The following NALCN variants were observed in gnomAD, a reference collection of about 807,000 sequenced individuals.
The protein encoded by NALCN is sodium leak channel, non-selective.
A neutral mutation model predicts 225.3 loss-of-function variants in NALCN; 111 were observed. That is an observed-to-expected ratio of 0.49 (90% CI 0.42 to 0.58). The LOEUF (loss-of-function observed/expected upper bound fraction) is 0.58, where lower values mean the gene tolerates loss of function less well. NALCN is among the 20% of genes least tolerant of loss of function. The pLI, the probability that NALCN is intolerant of heterozygous loss-of-function variation, is 0.00. For synonymous variants in NALCN, 764 were observed against 769.0 expected, an observed-to-expected ratio of 0.99 and a Z score of 0.11; for missense variants, 1,378 against 2,202.4, an observed-to-expected ratio of 0.63 and a Z score of 7.49.
chr13:101,170,002 C>T (rs897656373), intron 15 of NALCN, among the ~76,000 whole-genome samples: 7 of 152,192 alleles, frequency 4.6e-5, no homozygotes, highest in Non-Finnish European at 1.0e-4. Context: ...AGCCGAATGG[C>T]ATCTTCCAGC....
At chr13:101,106,003 A>G (rs770126853) in intron 22 of NALCN, among the ~76,000 whole-genome samples, 1 of 152,196 alleles carries the variant, frequency 6.6e-6, no homozygotes, top group Non-Finnish European at 1.5e-5. Flanking sequence ...GGATGGCTCA[A>G]GCAACATAAG....
chr13:101,211,583 T>C (rs1465943708), intron 13 of NALCN, among the ~76,000 whole-genome samples: 1 of 151,628 alleles, frequency 6.6e-6, no homozygotes, highest in Non-Finnish European at 1.5e-5. Flanking sequence ...CCTAATGTTA[T>C]AGTAGAAAGG....
At chr13:101,107,436 G>C in intron 22 of NALCN, 51 bp downstream of exon 22, 3 of 1,611,876 alleles carry the variant, frequency 1.9e-6, no homozygotes, top group Non-Finnish European at 2.5e-6. Context: ...CAACACCCCT[G>C]CTGTTTGCAT....
At chr13:101,360,662 A>T (rs1255789391) in intron 6 of NALCN, among the ~76,000 whole-genome samples, 1 of 152,198 alleles carries the variant, frequency 6.6e-6, no homozygotes, top group Non-Finnish European at 1.5e-5. Flanking sequence ...ACCACACTCA[A>T]CCACAAAGTA....
intron 7 of NALCN, among the ~76,000 whole-genome samples, chr13:101,320,086 T>C (rs2044692393): frequency 6.6e-6 from 1 of 152,226 alleles, no homozygotes; most frequent in Non-Finnish European, 1.5e-5. Context: ...GTAAGTTCTA[T>C]TGTCCATCTT....
intron 13 of NALCN, among the ~76,000 whole-genome samples, chr13:101,212,976 C>T (rs1369581072): frequency 6.6e-6 from 1 of 152,126 alleles, no homozygotes; most frequent in African/African-American, 2.4e-5. Context: ...CAAAAAAGAG[C>T]CCGCATTGCC....
intron 1 of NALCN, among the ~76,000 whole-genome samples, chr13:101,415,208 C>CACATATATATATAT (rs1555349509): frequency 2.0e-4 from 22 of 107,824 alleles, no homozygotes; most frequent in African/African-American, 1.2e-3. Flanking sequence ...AAATCACACA[C>CACATATATATATAT]ATATATATAT....
chr13:101,356,549 C>G (rs947942064), intron 6 of NALCN, among the ~76,000 whole-genome samples: 1 of 151,270 alleles, frequency 6.6e-6, no homozygotes, highest in Non-Finnish European at 1.5e-5. Flanking sequence ...TAATAGCCTA[C>G]CAACCAAAAA....
intron 10 of NALCN, among the ~76,000 whole-genome samples, chr13:101,272,647 T>G (rs2140257324): frequency 6.6e-6 from 1 of 152,244 alleles, no homozygotes; most frequent in East Asian, 1.9e-4. Context: ...AGGATCAGAT[T>G]GAATTTGGAG....
At chr13:101,235,113 CT>C (rs1380284484) in intron 12 of NALCN, among the ~76,000 whole-genome samples, 1 of 151,220 alleles carries the variant, frequency 6.6e-6, no homozygotes, top group East Asian at 1.9e-4. Context: ...ATAATTTATG[CT>C]GTTTATCGTT....
chr13:101,245,030 G>A (rs1594515930), intron 11 of NALCN, among the ~76,000 whole-genome samples: 1 of 152,276 alleles, frequency 6.6e-6, no homozygotes, highest in East Asian at 1.9e-4. Context: ...CTGTGCAGGT[G>A]TCCAATCTCA....
intron 3 of NALCN, among the ~76,000 whole-genome samples, chr13:101,384,179 C>A (rs1330764522): frequency 6.6e-6 from 1 of 152,016 alleles, no homozygotes; most frequent in Non-Finnish European, 1.5e-5. Flanking sequence ...AAATATGCAA[C>A]CAGAAGCTAA....
rs564099116 is a variant in NALCN at position 101,219,684 on chromosome 13, A to C, written c.1626+9709T>G. Among the ~76,000 whole-genome samples, 5 of 152,314 alleles carry C rather than the reference A, an allele frequency of 3.3e-5. No homozygotes were observed. In the South Asian group the frequency reaches 1.0e-3, roughly 32 times the overall value. ...GGAAGTTTGTGATGAACTATTCCAG[A>C]GGCCTTTCCTTCCAGGTACAGATTG... On this transcript the variant is annotated intron_variant, in intron 13 of 43. Coordinates refer to ENST00000251127, the MANE Select transcript of NALCN (RefSeq NM_052867.4).
chr13:101,187,064 C>T (rs2039480637), intron 14 of NALCN, among the ~76,000 whole-genome samples: 1 of 152,146 alleles, frequency 6.6e-6, no homozygotes, highest in South Asian at 2.1e-4. Context: ...CCCCCTTATC[C>T]ACTGTCTCAC....
At chr13:101,063,382 T>C (rs2032116281) in intron 40 of NALCN, among the ~76,000 whole-genome samples, 1 of 152,244 alleles carries the variant, frequency 6.6e-6, no homozygotes, top group South Asian at 2.1e-4. Flanking sequence ...GTTTTTATCA[T>C]ATACTGGGCT....
intron 15 of NALCN, among the ~76,000 whole-genome samples, chr13:101,168,377 T>C (rs1004317881): frequency 2.6e-5 from 4 of 152,120 alleles, no homozygotes; most frequent in Non-Finnish European, 5.9e-5. Flanking sequence ...TTCCCAGGCA[T>C]CTCAGGGAAA....
At chr13:101,355,640 C>T (rs371742006) in intron 6 of NALCN, among the ~76,000 whole-genome samples, 18 of 152,180 alleles carry the variant, frequency 1.2e-4, no homozygotes, top group Admixed American at 4.6e-4. Context: ...GACAGATTAA[C>T]GAGACAGAAA....
At chr13:101,198,191 G>C (rs531206467) in intron 13 of NALCN, among the ~76,000 whole-genome samples, 5 of 152,254 alleles carry the variant, frequency 3.3e-5, no homozygotes, top group Admixed American at 3.3e-4. Flanking sequence ...GAAAACCCTA[G>C]AAGAAAACCT....
chr13:101,389,872 A>G (rs961938347), intron 3 of NALCN, among the ~76,000 whole-genome samples: 10 of 152,232 alleles, frequency 6.6e-5, no homozygotes, highest in Non-Finnish European at 1.2e-4. Context: ...ACCTGAGGTC[A>G]GGAGTCTGAG....
Sources: gnomAD v4.1 joint callset for allele counts (sites outside exome capture counted in the v4.1 genomes callset) on GRCh38, gnomAD v4.1.1 for gene constraint, MANE v1.5 for transcripts, NCBI Gene and HGNC (gene_info 2026-07-23, HGNC 2026-07-21) for gene names.